The following STXBP6 variants were observed in gnomAD, a reference collection of about 807,000 sequenced individuals.
STXBP6 encodes the protein syntaxin-binding protein 6.
Under a neutral mutation model 26.9 loss-of-function variants are expected in STXBP6, and 21 were observed. The ratio of observed to expected loss-of-function variants is 0.78; its 90% CI spans 0.55 to 1.12. STXBP6 has a LOEUF of 1.12. Among genes scored for constraint, STXBP6 ranks in the 50% most tolerant of loss-of-function variants. The pLI is 0.00. For missense variants in STXBP6, 232 were observed against 257.9 expected (o/e 0.90, Z 0.69); for synonymous variants, 97 against 92.6 (o/e 1.05, Z -0.27).
At chr14:24,886,877 A>C (rs1168749374) in intron 2 of STXBP6, among the ~76,000 whole-genome samples, 1 of 152,218 alleles carries the variant, frequency 6.6e-6, no homozygotes, top group Non-Finnish European at 1.5e-5. Context: ...GCATTGTAGA[A>C]TATCTTGCTG....
At chr14:24,883,122 A>C (rs541898103) in intron 2 of STXBP6, among the ~76,000 whole-genome samples, 4 of 152,344 alleles carry the variant, frequency 2.6e-5, no homozygotes, top group Non-Finnish European at 5.9e-5. Flanking sequence ...TCATTTAGAA[A>C]AGGAAATTAT....
intron 2 of STXBP6, among the ~76,000 whole-genome samples, chr14:24,957,002 C>T (rs1006704211): frequency 6.6e-6 from 1 of 152,194 alleles, no homozygotes; most frequent in African/African-American, 2.4e-5. Flanking sequence ...CCTCTACACA[C>T]ACACACTAGG....
chr14:24,845,394 A>G (rs55951119), intron 4 of STXBP6, among the ~76,000 whole-genome samples: 12,309 of 152,224 alleles, frequency 0.081, 671 homozygotes, highest in East Asian at 0.18. Flanking sequence ...CCCTTAAGTA[A>G]AGAGAAAGAG....
chr14:24,981,668 G>C (rs906107620), intron 1 of STXBP6, among the ~76,000 whole-genome samples: 3 of 152,120 alleles, frequency 2.0e-5, no homozygotes, highest in Non-Finnish European at 4.4e-5. Context: ...AGATTAATAT[G>C]AGTTGAAACC....
intron 2 of STXBP6, among the ~76,000 whole-genome samples, chr14:24,957,030 C>G (rs2073366568): frequency 6.6e-6 from 1 of 152,192 alleles, no homozygotes; most frequent in Admixed American, 6.5e-5. Flanking sequence ...CACTACCAAC[C>G]AGCAATTACT....
chr14:24,926,390 GATCTCT>G (rs1336628904), intron 2 of STXBP6, among the ~76,000 whole-genome samples: 1 of 152,044 alleles, frequency 6.6e-6, no homozygotes. Flanking sequence ...TAGTCCTGTG[GATCTCT>G]CTCTGCCATG....
chr14:24,870,673 T>C (rs535864168), intron 2 of STXBP6, among the ~76,000 whole-genome samples: 9 of 152,320 alleles, frequency 5.9e-5, no homozygotes, highest in Non-Finnish European at 1.2e-4. Context: ...CATTTGCTTA[T>C]ATTTTCTATT....
chr14:25,037,912 A>G (rs2075581128), intron 1 of STXBP6, among the ~76,000 whole-genome samples: 1 of 152,164 alleles, frequency 6.6e-6, no homozygotes, highest in Non-Finnish European at 1.5e-5. Flanking sequence ...TCCTTGCTAA[A>G]GGGTTTTATA....
intron 2 of STXBP6, among the ~76,000 whole-genome samples, chr14:24,962,987 T>G (rs1205656232): frequency 6.6e-6 from 1 of 152,076 alleles, no homozygotes. Flanking sequence ...AAAATAAAAT[T>G]CTTGTTACCA....
At chr14:24,847,311 T>C (rs2068995572) in intron 4 of STXBP6, among the ~76,000 whole-genome samples, 1 of 152,192 alleles carries the variant, frequency 6.6e-6, no homozygotes, top group Admixed American at 6.5e-5. Context: ...GTAGAGTTTT[T>C]ACTGCCTACG....
intron 2 of STXBP6, among the ~76,000 whole-genome samples, chr14:24,923,795 T>C (rs1798577119): frequency 1.3e-5 from 2 of 152,196 alleles, no homozygotes; most frequent in Admixed American, 6.5e-5. Flanking sequence ...TATTATTCTG[T>C]AGTAAGTTTT....
intron 2 of STXBP6, among the ~76,000 whole-genome samples, chr14:24,882,780 T>C (rs2070422252): frequency 6.6e-6 from 1 of 150,868 alleles, no homozygotes; most frequent in Admixed American, 6.6e-5. Context: ...CCACTATAAG[T>C]TTATTTGTTC....
At chr14:24,892,538 C>T (rs898653798) in intron 2 of STXBP6, among the ~76,000 whole-genome samples, 80 of 152,240 alleles carry the variant, frequency 5.3e-4, no homozygotes, top group African/African-American at 1.9e-3. Context: ...GCCAACCACA[C>T]CCCTTGGTTT....
At chr14:24,996,562 TA>T (rs957280331) in intron 1 of STXBP6, among the ~76,000 whole-genome samples, 6 of 151,236 alleles carry the variant, frequency 4.0e-5, no homozygotes, top group African/African-American at 1.5e-4. Flanking sequence ...AATAAAAAAT[TA>T]AAAATAAAAT....
chr14:24,894,024 T>C (rs1285874515), intron 2 of STXBP6, among the ~76,000 whole-genome samples: 3 of 152,224 alleles, frequency 2.0e-5, no homozygotes, highest in Non-Finnish European at 4.4e-5. Flanking sequence ...ACATGTGTTA[T>C]ACAGGTTCTA....
At position 24,884,096 on chromosome 14, in the gene STXBP6, G is replaced by A. The variant is rs536680941; in HGVS notation, c.155-26939C>T. On this transcript the variant is annotated intron_variant, in intron 2 of 5. Transcript: ENST00000323944. ...CTATCTCTGCCAAAAAAAAAGGTGGGGGGGCACATCTTATTCAGAAGACAA... is the reference window on the plus strand; with the variant it reads ...CTATCTCTGCCAAAAAAAAAGGTGGAGGGGCACATCTTATTCAGAAGACAA... Among the ~76,000 whole-genome samples the A allele has an allele frequency of 2.6e-5, 4 of 152,078 alleles. No homozygotes were observed. The East Asian group carries it at 7.8e-4, about 29-fold the overall frequency.
intron 2 of STXBP6, among the ~76,000 whole-genome samples, chr14:24,894,540 C>T (rs1163529071): frequency 6.6e-6 from 1 of 152,142 alleles, no homozygotes; most frequent in African/African-American, 2.4e-5. Flanking sequence ...AAACTTAATG[C>T]TGATGAGAAG....
At chr14:24,859,841 G>A (rs1024813987) in intron 2 of STXBP6, among the ~76,000 whole-genome samples, 3 of 152,176 alleles carry the variant, frequency 2.0e-5, no homozygotes, top group African/African-American at 7.2e-5. Flanking sequence ...ATGACTCCCA[G>A]GTAATACTGT....
At chr14:24,915,312 T>C (rs1343811913) in intron 2 of STXBP6, among the ~76,000 whole-genome samples, 3 of 152,146 alleles carry the variant, frequency 2.0e-5, no homozygotes, top group East Asian at 1.9e-4. Context: ...TCAAGAGCCA[T>C]AGTCAAACAG....
Sources: allele counts gnomAD v4.1 joint callset (sites outside exome capture counted in the v4.1 genomes callset), GRCh38; gene constraint gnomAD v4.1.1; transcripts MANE v1.5; gene names NCBI Gene and HGNC (gene_info 2026-07-23, HGNC 2026-07-21).